Variants in TRIO observed in about 807,000 individuals in gnomAD.
TRIO encodes the protein triple functional domain protein.
In TRIO, 58 loss-of-function variants were observed where a neutral mutation model predicts 351.9. The ratio of observed to expected loss-of-function variants is 0.16; its 90% CI spans 0.13 to 0.21. The LOEUF is 0.21. Among genes scored for constraint, TRIO ranks in the 10% least tolerant of loss-of-function variants. TRIO has a pLI of 1.00. For missense variants in TRIO, 3,201 were observed against 4,027.8 expected (o/e 0.79, Z 5.56); for synonymous variants, 1,758 against 1,595.7 (o/e 1.10, Z -2.42).
At chr5:14,331,347 G>A (rs559944573) in intron 10 of TRIO, among the ~76,000 whole-genome samples, 3 of 152,240 alleles carry the variant, frequency 2.0e-5, no homozygotes, top group South Asian at 4.1e-4. Context: ...AGCACTGGCC[G>A]CCTGACTTTG....
chr5:14,395,135 A>G (rs1747450093), intron 28 of TRIO, among the ~76,000 whole-genome samples: 1 of 152,230 alleles, frequency 6.6e-6, no homozygotes, highest in Non-Finnish European at 1.5e-5. Flanking sequence ...CCTTTTTGTT[A>G]GCAAGAAAAA....
At chr5:14,504,922 G>A (rs528159971) in intron 55 of TRIO, among the ~76,000 whole-genome samples, 1 of 148,546 alleles carries the variant, frequency 6.7e-6, no homozygotes, top group African/African-American at 2.5e-5. Context: ...CTGAACCCAA[G>A]CCCCCATTAG....
chr5:14,498,139 G>A lies in TRIO; in HGVS notation c.8098G>A (p.Glu2700Lys). The change falls in exon 52 of 57, where the codon GAG (glutamate) becomes AAG (lysine). Residue 2700 changes from glutamate to lysine, a missense_variant. Physicochemically the swap from Glu to Lys is moderately conservative, Grantham distance 56 (BLOSUM62 1). Around this residue, in one of 19 missense-constraint regions of TRIO, gnomAD observed 1,089 missense variants for 954.9 expected, o/e 1.14. Transcript: ENST00000344204. ...GAGTGAGGTCACGTGTGAGACAGGG[G>A]AGACCGTTGTTCTTAGATGTCGAGT... ...PLSEVTCETG[E>K]TVVLRCRVCG... 1 of 1,614,196 alleles carries A rather than the reference G, an allele frequency of 6.2e-7. No individual in the cohort carries two copies. Among genetic ancestry groups the A allele is most frequent in the Non-Finnish European group, 8.5e-7 (1 of 1,180,042 alleles).
chr5:14,384,415 C>T (rs114572581), intron 21 of TRIO, among the ~76,000 whole-genome samples: 4 of 152,132 alleles, frequency 2.6e-5, no homozygotes, highest in Admixed American at 2.6e-4. Context: ...TCCAGTTCCT[C>T]GATTATGCCT....
chr5:14,255,831 T>C (rs2152253375), intron 1 of TRIO, among the ~76,000 whole-genome samples: 1 of 152,348 alleles, frequency 6.6e-6, no homozygotes. Flanking sequence ...CATGTTGGTG[T>C]TCAAAGACTT....
intron 1 of TRIO, among the ~76,000 whole-genome samples, chr5:14,208,937 C>T (rs550953075): frequency 8.9e-4 from 136 of 152,332 alleles, no homozygotes; most frequent in Non-Finnish European, 1.7e-3. Context: ...GTTTGTAAAA[C>T]TGGATTGTGA....
In TRIO at chr5:14,374,336, A is replaced by G. The variant is rs1368588932; in HGVS notation, c.3324A>G (p.Gln1108=). 6.2e-7 allele frequency: 1 copy of G among 1,612,474 alleles called. No individual in the cohort carries two copies. The highest frequency in any genetic ancestry group is 1.3e-5 in the African/African-American group (1 of 74,896). The change falls in exon 19 of 57, where the codon CAA becomes CAG. Residue 1108 remains glutamine (Q), a synonymous_variant. Coordinates refer to ENST00000344204, the MANE Select transcript of TRIO (RefSeq NM_007118.4). ...MVTHIKAPEQ[Q]VKNILNELFQ... is the part of the protein sequence containing the mutation. ...CGCACATCAAAGCTCCTGAACAGCA[A>G]GTGAAAAGTGAGTAGAGCTGGGAGT...
intron 1 of TRIO, among the ~76,000 whole-genome samples, chr5:14,241,829 C>T (rs1047137993): frequency 2.0e-5 from 3 of 152,154 alleles, no homozygotes; most frequent in Admixed American, 1.3e-4. Context: ...TACAGCCTGT[C>T]GGTGCCAAAG....
chr5:14,415,612 A>T (rs555777937), intron 33 of TRIO, among the ~76,000 whole-genome samples: 1 of 152,202 alleles, frequency 6.6e-6, no homozygotes, highest in Non-Finnish European at 1.5e-5. Flanking sequence ...ATTCTGTTCT[A>T]TGTGGTAATT....
At chr5:14,292,914 A>G in intron 5 of TRIO, 98 bp from the exon 6 acceptor site, 1 of 1,545,938 alleles carries the variant, frequency 6.5e-7, no homozygotes, top group African/African-American at 1.4e-5. Flanking sequence ...TTGTCCAGGG[A>G]AGGAAGTTGC....
intron 43 of TRIO, 70 bp downstream of exon 43, chr5:14,480,081 A>G (rs1755399898): frequency 2.1e-6 from 3 of 1,444,594 alleles, no homozygotes; most frequent in Non-Finnish European, 2.9e-6. Context: ...TCAGTTGGGG[A>G]AAGAAGGATT....
chr5:14,207,776 A>G (rs1476301420), intron 1 of TRIO, among the ~76,000 whole-genome samples: 1 of 152,232 alleles, frequency 6.6e-6, no homozygotes, highest in Admixed American at 6.5e-5. Flanking sequence ...TGTAAATCAT[A>G]TATCCAATAA....
intron 10 of TRIO, among the ~76,000 whole-genome samples, chr5:14,332,934 C>T (rs1032249317): frequency 1.3e-5 from 2 of 152,142 alleles, no homozygotes; most frequent in Non-Finnish European, 2.9e-5. Context: ...GAATACTAGC[C>T]TTGTGTTTAC....
chr5:14,316,451 C>T, intron 8 of TRIO, 62 bp from the exon 9 acceptor site: 1 of 1,557,762 alleles, frequency 6.4e-7, no homozygotes, highest in Non-Finnish European at 8.8e-7. Context: ...AGGACAGCAT[C>T]TGTGGCACAG....
intron 1 of TRIO, among the ~76,000 whole-genome samples, chr5:14,252,330 G>C (rs956558357): frequency 6.6e-6 from 1 of 152,168 alleles, no homozygotes; most frequent in Non-Finnish European, 1.5e-5. Flanking sequence ...CACCATACTA[G>C]ACTTCCTGCC....
At chr5:14,472,468 A>G in intron 38 of TRIO, 124 bp from the exon 39 acceptor site, 1 of 1,026,504 alleles carries the variant, frequency 9.7e-7, no homozygotes, top group East Asian at 2.7e-5. Context: ...TTTAACACCT[A>G]AATGTACAAA....
At chr5:14,454,562 A>C (rs1274876818) in intron 34 of TRIO, among the ~76,000 whole-genome samples, 2 of 152,208 alleles carry the variant, frequency 1.3e-5, no homozygotes, top group African/African-American at 4.8e-5. Context: ...TAGGCTGAGA[A>C]ATAATAGCTT....
chr5:14,407,333 T>C (rs1399078062), intron 33 of TRIO, among the ~76,000 whole-genome samples: 5 of 152,082 alleles, frequency 3.3e-5, no homozygotes, highest in African/African-American at 7.2e-5. Context: ...GAGGTGCGAG[T>C]GTCAGCAGGG....
At position 14,479,328 on chromosome 5, in the gene TRIO, A is replaced by G. The variant is rs1755342140; in HGVS notation, c.6221A>G (p.Glu2074Gly). Reference sequence around the variant, plus strand: ...CCAAAGTCTGAGCACATTGTCTCAGAATACATTGATACCTTTTTTGAGGTA... The same window carrying G: ...CCAAAGTCTGAGCACATTGTCTCAGGATACATTGATACCTTTTTTGAGGTA... Reference protein sequence around the residue: ...NKPKSEHIVSEYIDTFFEDLK... With the variant: ...NKPKSEHIVSGYIDTFFEDLK... The change falls in exon 42 of 57, where the codon GAA becomes GGA. Residue 2074 changes from glutamate (E) to glycine (G), a missense_variant. Glu to Gly is a moderately conservative substitution (Grantham distance 98, BLOSUM62 -2). Around this residue, in one of 19 missense-constraint regions of TRIO, gnomAD observed 307 missense variants for 396.5 expected, o/e 0.77. Transcript: ENST00000344204. 6.2e-7 allele frequency: 1 copy of G among 1,613,712 alleles called. No homozygotes were observed. The highest frequency in any genetic ancestry group is 8.5e-7 in the Non-Finnish European group (1 of 1,179,808).
Sources: allele counts gnomAD v4.1 joint callset (sites outside exome capture counted in the v4.1 genomes callset), GRCh38; gene constraint gnomAD v4.1.1; regional missense constraint gnomAD v4.1.1; transcripts MANE v1.5; gene names NCBI Gene and HGNC (gene_info 2026-07-23, HGNC 2026-07-21).